The following SLC44A3 variants were observed in gnomAD, a reference collection of about 807,000 sequenced individuals.
The protein encoded by SLC44A3 is solute carrier family 44 member 3, also known as choline transporter-like protein 3.
SLC44A3 carries 74 observed loss-of-function variants against 75.4 expected under a neutral mutation model. That is an observed-to-expected ratio of 0.98 (90% CI 0.81 to 1.19). The LOEUF (loss-of-function observed/expected upper bound fraction) is 1.19, where lower values mean the gene tolerates loss of function less well. Ranked by LOEUF, SLC44A3 falls within the 50% of genes most tolerant of loss-of-function variation. SLC44A3 has a pLI of 0.00. For synonymous variants in SLC44A3, 310 were observed against 296.9 expected, an observed-to-expected ratio of 1.04 and a Z score of -0.45; for missense variants, 700 against 778.6, an observed-to-expected ratio of 0.90 and a Z score of 1.20.
intron 12 of SLC44A3, among the ~76,000 whole-genome samples, chr1:94,888,480 C>T (rs1669842273): frequency 6.6e-6 from 1 of 152,066 alleles, no homozygotes; most frequent in Non-Finnish European, 1.5e-5. Flanking sequence ...ATTGAAGATG[C>T]CTAGTTAAAT....
chr1:94,845,151 A>G (rs1167125940), intron 8 of SLC44A3, 127 bp from the exon 9 acceptor site: 4 of 994,252 alleles, frequency 4.0e-6, no homozygotes, highest in Non-Finnish European at 4.4e-6. Context: ...AAATTATAAC[A>G]AAGTAGTGAG....
chr1:94,875,426 G>A (rs1171008473), intron 12 of SLC44A3, among the ~76,000 whole-genome samples: 1 of 152,146 alleles, frequency 6.6e-6, no homozygotes, highest in African/African-American at 2.4e-5. Context: ...GGGTCCAGAG[G>A]GTTTGAATGC....
At chr1:94,828,285 T>C (rs1007232820) in intron 4 of SLC44A3, among the ~76,000 whole-genome samples, 23 of 152,210 alleles carry the variant, frequency 1.5e-4, no homozygotes, top group African/African-American at 5.3e-4. Flanking sequence ...ATCATATAAC[T>C]TTTAGTTTTG....
At chr1:94,824,739 C>A in intron 3 of SLC44A3, 104 bp downstream of exon 3, 1 of 1,371,094 alleles carries the variant, frequency 7.3e-7, no homozygotes, top group Non-Finnish European at 9.8e-7. Flanking sequence ...AAAACTCTGT[C>A]AGCCTATTTT....
At chr1:94,879,084 C>T (rs1162678317) in intron 12 of SLC44A3, among the ~76,000 whole-genome samples, 1 of 152,002 alleles carries the variant, frequency 6.6e-6, no homozygotes, top group African/African-American at 2.4e-5. Flanking sequence ...CCACATCAAA[C>T]TTAAAAACTT....
intron 12 of SLC44A3, among the ~76,000 whole-genome samples, chr1:94,877,713 G>A (rs1668449428): frequency 6.6e-6 from 1 of 152,148 alleles, no homozygotes; most frequent in Non-Finnish European, 1.5e-5. Context: ...AGTGGATCCA[G>A]GCTTTGACAA....
intron 2 of SLC44A3, among the ~76,000 whole-genome samples, chr1:94,822,411 T>G (rs1223950252): frequency 6.6e-6 from 1 of 152,262 alleles, no homozygotes; most frequent in African/African-American, 2.4e-5. Flanking sequence ...GAGTCCTTTC[T>G]TAGCTCACTG....
intron 14 of SLC44A3, 152 bp from the exon 15 acceptor site, chr1:94,894,666 A>G: frequency 1.6e-6 from 1 of 628,140 alleles, no homozygotes. Context: ...CCCCTGTGCT[A>G]CTTTATATGC....
chr1:94,829,817 T>C (rs534619811), intron 5 of SLC44A3, among the ~76,000 whole-genome samples: 1 of 152,342 alleles, frequency 6.6e-6, no homozygotes, highest in South Asian at 2.1e-4. Context: ...TGGTGTTTAT[T>C]GAACTCTTGT....
At chr1:94,859,338 G>A (rs1666294050) in intron 10 of SLC44A3, among the ~76,000 whole-genome samples, 1 of 151,944 alleles carries the variant, frequency 6.6e-6, no homozygotes, top group Non-Finnish European at 1.5e-5. Context: ...ATTGAAACAG[G>A]CACAAACACA....
At chr1:94,883,659 C>T (rs1045333708) in intron 12 of SLC44A3, among the ~76,000 whole-genome samples, 5 of 152,322 alleles carry the variant, frequency 3.3e-5, no homozygotes, top group African/African-American at 4.8e-5. Flanking sequence ...TTCTTATCTA[C>T]ACTGCCTAAA....
chr1:94,849,758 T>C (rs981348316), intron 9 of SLC44A3, among the ~76,000 whole-genome samples: 4 of 152,174 alleles, frequency 2.6e-5, no homozygotes, highest in African/African-American at 9.7e-5. Context: ...TTTTGTGTTT[T>C]GTTTTTTGTT....
intron 11 of SLC44A3, among the ~76,000 whole-genome samples, 173 bp from the exon 12 acceptor site, chr1:94,867,158 G>A (rs1480709815): frequency 1.3e-5 from 2 of 152,064 alleles, no homozygotes; most frequent in Non-Finnish European, 2.9e-5. Flanking sequence ...TTGCTCCTCA[G>A]TAATACTAGA....
intron 3 of SLC44A3, 145 bp downstream of exon 3, chr1:94,824,780 G>A (rs1174462677): frequency 1.1e-5 from 10 of 950,342 alleles, no homozygotes; most frequent in Middle Eastern, 3.4e-4. Flanking sequence ...TATAGTACAG[G>A]TAAGAGTACA....
chr1:94,858,673 G>GTGTTTGTT (rs59998353), intron 10 of SLC44A3, among the ~76,000 whole-genome samples: 9,897 of 149,834 alleles, frequency 0.066, 362 homozygotes, highest in Non-Finnish European at 0.073. Flanking sequence ...GCACTGTCGG[G>GTGTTTGTT]TGTTTGTTTG....
intron 9 of SLC44A3, among the ~76,000 whole-genome samples, chr1:94,854,244 A>T (rs528592991): frequency 6.6e-6 from 1 of 152,084 alleles, no homozygotes; most frequent in Non-Finnish European, 1.5e-5. Context: ...CAGAGATGTG[A>T]CTCTCAGCCT....
At chr1:94,853,243 G>C (rs912189582) in intron 9 of SLC44A3, among the ~76,000 whole-genome samples, 1 of 152,142 alleles carries the variant, frequency 6.6e-6, no homozygotes, top group African/African-American at 2.4e-5. Flanking sequence ...AGATGTGCGC[G>C]GTCCAGTGTG....
rs1394670467 is a variant in SLC44A3, at chr1:94,891,079, A to C, written c.1483-51A>C. ...ACACTCTGTATTAATATATTGCCTT[A>C]AAAACAATTGTTATAAGAATTATCT... On this transcript the variant is annotated intron_variant, in intron 12 of 14. Transcript: ENST00000271227. 2.0e-6 allele frequency: 3 copies of C among 1,531,902 alleles called. No homozygotes were observed. The East Asian group carries it at 6.8e-5, about 35-fold the overall frequency. 94.9% of individuals were successfully genotyped at this position (1,531,902 alleles called of 1,614,324 possible).
At chr1:94,828,657 C>T in intron 5 of SLC44A3, 71 bp downstream of exon 5, 1 of 1,349,342 alleles carries the variant, frequency 7.4e-7, no homozygotes, top group South Asian at 1.2e-5. Context: ...ATCTGTTACT[C>T]TTCTAGGCAT....
Sources: gnomAD v4.1 joint callset for allele counts (sites outside exome capture counted in the v4.1 genomes callset) on GRCh38, gnomAD v4.1.1 for gene constraint, MANE v1.5 for transcripts, NCBI Gene and HGNC (gene_info 2026-07-23, HGNC 2026-07-21) for gene names.